SNAP91: variants seen among roughly 807,000 people sequenced by gnomAD.
The protein encoded by SNAP91 is synaptosome associated protein 91.
A neutral mutation model predicts 100.3 loss-of-function variants in SNAP91; 27 were observed. That is an observed-to-expected ratio of 0.27 (90% CI 0.20 to 0.37). SNAP91 has a LOEUF of 0.37. Among genes scored for constraint, SNAP91 ranks in the 10% least tolerant of loss-of-function variants. SNAP91 has a pLI of 1.00. For missense variants in SNAP91, 986 were observed against 1,123.7 expected, an observed-to-expected ratio of 0.88 and a Z score of 1.75; for synonymous variants, 404 against 398.6, an observed-to-expected ratio of 1.01 and a Z score of -0.16.
chr6:83,648,237 T>C (rs575772857), intron 7 of SNAP91, among the ~76,000 whole-genome samples: 2 of 152,304 alleles, frequency 1.3e-5, no homozygotes, highest in South Asian at 2.1e-4. Flanking sequence ...TTTGGCTTCT[T>C]TGAACCTAAT....
intron 2 of SNAP91, among the ~76,000 whole-genome samples, chr6:83,694,967 C>T (rs1204672384): frequency 6.6e-6 from 1 of 152,010 alleles, no homozygotes; most frequent in Non-Finnish European, 1.5e-5. Flanking sequence ...CGTACACATA[C>T]TTTAAAAAAA....
chr6:83,662,666 C>T (rs2098571699), intron 3 of SNAP91, among the ~76,000 whole-genome samples: 1 of 152,016 alleles, frequency 6.6e-6, no homozygotes, highest in Non-Finnish European at 1.5e-5. Flanking sequence ...ATTCAGTAGG[C>T]ATCCTACATA....
intron 28 of SNAP91, among the ~76,000 whole-genome samples, chr6:83,557,165 T>C (rs1321867464): frequency 6.6e-6 from 1 of 152,186 alleles, no homozygotes; most frequent in Non-Finnish European, 1.5e-5. Context: ...AAATCTCATG[T>C]AGTTTATAGA....
chr6:83,607,633 C>T (rs144806998), intron 13 of SNAP91, 66 bp downstream of exon 13: 2 of 1,042,316 alleles, frequency 1.9e-6, no homozygotes, highest in East Asian at 2.7e-5. Context: ...GGGTACAGCA[C>T]ATAAAAATAA....
intron 7 of SNAP91, among the ~76,000 whole-genome samples, chr6:83,654,250 T>A (rs1412254623): frequency 6.6e-6 from 1 of 152,202 alleles, no homozygotes; most frequent in African/African-American, 2.4e-5. Flanking sequence ...TCTGTTCCAG[T>A]AATCCATGAC....
intron 3 of SNAP91, among the ~76,000 whole-genome samples, chr6:83,664,637 GTT>G (rs1255539791): frequency 3.9e-5 from 6 of 152,112 alleles, no homozygotes; most frequent in Admixed American, 3.9e-4. Context: ...AAAGAAAGTA[GTT>G]TCTTGAGATA....
chr6:83,672,847 C>T (rs1230134808), intron 2 of SNAP91, among the ~76,000 whole-genome samples: 1 of 152,020 alleles, frequency 6.6e-6, no homozygotes, highest in African/African-American at 2.4e-5. Context: ...GGAAAGTATC[C>T]TCTATTCCAT....
chr6:83,664,440 GGAA>G (rs1338197086), intron 3 of SNAP91, among the ~76,000 whole-genome samples: 15 of 152,202 alleles, frequency 9.9e-5, no homozygotes, highest in African/African-American at 3.6e-4. Context: ...GCAGGAATCT[GGAA>G]GAAGAGCATT....
intron 26 of SNAP91, among the ~76,000 whole-genome samples, chr6:83,564,229 T>C (rs1260692934): frequency 6.6e-6 from 1 of 152,114 alleles, no homozygotes; most frequent in African/African-American, 2.4e-5. Context: ...TTCTCTTTCT[T>C]AAATTATCCA....
In SNAP91 at chr6:83,593,292, C is replaced by T. The variant is rs763542020; in HGVS notation, c.1697-33G>A. 5.1e-6 allele frequency: 8 copies of T among 1,563,472 alleles called. No individual in the cohort carries two copies. The African/African-American group carries it at 6.8e-5, about 13-fold the overall frequency. On this transcript the variant is annotated intron_variant, in intron 18 of 29. Transcript: ENST00000369694. ...CAAGAACACACATGCCTTTACTCAACTTGAACAATAAGCCTGACACAGCAT... is the reference window on the plus strand; with the variant it reads ...CAAGAACACACATGCCTTTACTCAATTTGAACAATAAGCCTGACACAGCAT...
chr6:83,690,892 A>G (rs2099122528), intron 2 of SNAP91, among the ~76,000 whole-genome samples: 1 of 152,088 alleles, frequency 6.6e-6, no homozygotes, highest in Admixed American at 6.6e-5. Context: ...AAGATATGCA[A>G]AATTTGGTAT....
chr6:83,649,838 C>G (rs1335574586), intron 7 of SNAP91, among the ~76,000 whole-genome samples: 2 of 152,054 alleles, frequency 1.3e-5, no homozygotes, highest in Non-Finnish European at 2.9e-5. Flanking sequence ...ATCTGCCCAC[C>G]TTGGCCTCCC....
intron 8 of SNAP91, among the ~76,000 whole-genome samples, chr6:83,624,779 C>A (rs1444462139): frequency 6.6e-6 from 1 of 152,032 alleles, no homozygotes; most frequent in African/African-American, 2.4e-5. Flanking sequence ...GCTGTTGAGA[C>A]CACTGACGTA....
intron 8 of SNAP91, among the ~76,000 whole-genome samples, chr6:83,638,045 A>G (rs377128685): frequency 2.6e-5 from 4 of 152,158 alleles, no homozygotes; most frequent in South Asian, 2.1e-4. Flanking sequence ...GGGAGGGGCC[A>G]GCAGGTGAGG....
intron 2 of SNAP91, among the ~76,000 whole-genome samples, chr6:83,682,470 G>C (rs2099003112): frequency 6.6e-6 from 1 of 151,978 alleles, no homozygotes; most frequent in Non-Finnish European, 1.5e-5. Flanking sequence ...GCCTCCCAAA[G>C]TGCTGGGATT....
At chr6:83,627,189 G>C (rs1012906003) in intron 8 of SNAP91, among the ~76,000 whole-genome samples, 13 of 152,092 alleles carry the variant, frequency 8.5e-5, no homozygotes, top group South Asian at 2.1e-4. Flanking sequence ...TTGCATCCTA[G>C]GAATAAAGCC....
intron 23 of SNAP91, among the ~76,000 whole-genome samples, chr6:83,581,365 T>C (rs1828185122): frequency 6.6e-6 from 1 of 152,202 alleles, no homozygotes; most frequent in African/African-American, 2.4e-5. Context: ...TTTTAAGTAT[T>C]AGGGATCAAA....
chr6:83,680,253 G>C (rs931819224), intron 2 of SNAP91, among the ~76,000 whole-genome samples: 27 of 152,196 alleles, frequency 1.8e-4, no homozygotes, highest in African/African-American at 6.3e-4. Flanking sequence ...CATAGTAGTA[G>C]ACACATCAAT....
intron 24 of SNAP91, among the ~76,000 whole-genome samples, chr6:83,579,642 G>A (rs559196139): frequency 6.6e-5 from 10 of 152,092 alleles, no homozygotes; most frequent in Non-Finnish European, 1.5e-4. Context: ...CTCCTCCCTA[G>A]GACTCTCTCC....
Sources: gnomAD v4.1 joint callset for allele counts (sites outside exome capture counted in the v4.1 genomes callset) on GRCh38, gnomAD v4.1.1 for gene constraint, MANE v1.5 for transcripts, NCBI Gene and HGNC (gene_info 2026-07-23, HGNC 2026-07-21) for gene names.